The following COL12A1 variants were observed in gnomAD, a reference collection of about 807,000 sequenced individuals.
COL12A1 encodes collagen alpha-1(XII) chain.
A neutral mutation model predicts 349.7 loss-of-function variants in COL12A1; 114 were observed. The ratio of observed to expected loss-of-function variants is 0.33; its 90% CI spans 0.28 to 0.38. COL12A1 has a LOEUF of 0.38. Among genes scored for constraint, COL12A1 ranks in the 10% least tolerant of loss-of-function variants. COL12A1 has a pLI of 1.00. For missense variants in COL12A1, 3,284 were observed against 3,756.9 expected (o/e 0.87, Z 3.29); for synonymous variants, 1,369 against 1,329.0 (o/e 1.03, Z -0.66).
intron 27 of COL12A1, among the ~76,000 whole-genome samples, chr6:75,140,643 G>A (rs1335578545): frequency 1.6e-5 from 2 of 121,948 alleles, no homozygotes; most frequent in South Asian, 5.6e-4. Context: ...GTGACAGAGC[G>A]AGACTCTGTC....
chr6:75,123,322 G>T lies in COL12A1; in HGVS notation c.6946+8C>A, dbSNP rs1180255613. 5.5e-5 allele frequency: 88 copies of T among 1,607,146 alleles called. No individual in the cohort carries two copies. Among genetic ancestry groups the T allele is most frequent in the Non-Finnish European group, 7.5e-5 (88 of 1,176,328 alleles). Reference sequence around the variant, plus strand: ...AGCTGAACGTATTGCCTATTTAGCTGTACTTACCATCCCGGGCTGGTGGAA... The same window carrying T: ...AGCTGAACGTATTGCCTATTTAGCTTTACTTACCATCCCGGGCTGGTGGAA... On this transcript the variant is annotated splice_region_variant and intron_variant, in intron 43 of 65. Coordinates refer to ENST00000322507, the MANE Select transcript of COL12A1 (RefSeq NM_004370.6).
In COL12A1 at chr6:75,148,552, A is replaced by G. The variant is rs1767320317; in HGVS notation, c.4148-55T>C. 14 of 1,472,972 alleles carry G rather than the reference A, an allele frequency of 9.5e-6. No individual in the cohort carries two copies. In the South Asian group the frequency reaches 1.5e-4, roughly 15 times the overall value. 91.2% of individuals were successfully genotyped at this position (1,472,972 alleles called of 1,614,324 possible). On this transcript the variant is annotated intron_variant, in intron 21 of 65. Transcript: ENST00000322507. ...TTCTCATTATTGTAGAAAGGTGACA[A>G]TATTTGAAATGACATTGAAACAATA... is the stretch of plus-strand genomic sequence containing the variant.
chr6:75,116,898 G>A (rs1582075391), intron 47 of COL12A1, among the ~76,000 whole-genome samples: 1 of 152,070 alleles, frequency 6.6e-6, no homozygotes, highest in South Asian at 2.1e-4. Flanking sequence ...TCAATTTTTG[G>A]TTCTTCACTG....
Position 75,109,041 on chromosome 6 carries a change from T to G in COL12A1, c.8077A>C (p.Lys2693Gln). The change falls in exon 52 of 66, where the codon AAA (lysine) becomes CAA (glutamine). Residue 2693 changes from lysine (K) to glutamine (Q), a missense_variant. Lys to Gln is a moderately conservative substitution (Grantham distance 53). This residue lies in a region of COL12A1 where 683 missense variants were observed against 932.1 expected (regional missense o/e 0.73). Coordinates refer to ENST00000322507, the MANE Select transcript of COL12A1 (RefSeq NM_004370.6). ...ACTGCGGCTGATTTCCTTTCCCCTT[T>G]AAGGAGTTTTCCAAGAATTTCATAA... ...DGYEILGKLL[K>Q]GERKSAAFQI... The G allele has an allele frequency of 6.2e-7, 1 of 1,612,384 alleles. No homozygotes were observed. The highest frequency in any genetic ancestry group is 8.5e-7 in the Non-Finnish European group (1 of 1,179,334).
intron 12 of COL12A1, 99 bp downstream of exon 12, chr6:75,177,564 C>T: frequency 1.4e-6 from 2 of 1,442,848 alleles, no homozygotes; most frequent in South Asian, 2.4e-5. Flanking sequence ...ACAATTGAAA[C>T]AAAGTGTCTC....
rs77827114 is a variant in COL12A1, at chr6:75,154,087, G to A, written c.3565+329C>T. Among the ~76,000 whole-genome samples the A allele has an allele frequency of 0.053, 7,974 of 150,966 alleles. 522 individuals are homozygous for A. The highest frequency in any genetic ancestry group is 0.15 in the African/African-American group (6,377 of 41,144). The stretch of plus-strand genomic sequence containing the variant: ...TTTAATGCACAATTTTAAATTATGC[G>A]TTATTACATAATTTAAAATTACTAC... On this transcript the variant is annotated intron_variant, in intron 17 of 65. Transcript: ENST00000322507.
intron 14 of COL12A1, among the ~76,000 whole-genome samples, chr6:75,158,109 A>G (rs1405057846): frequency 6.6e-6 from 1 of 152,186 alleles, no homozygotes; most frequent in Non-Finnish European, 1.5e-5. Context: ...AAGACATGCC[A>G]AAAAGGAAAA....
chr6:75,197,602 G>C (rs1770300832), intron 2 of COL12A1, among the ~76,000 whole-genome samples: 1 of 152,056 alleles, frequency 6.6e-6, no homozygotes, highest in Non-Finnish European at 1.5e-5. Flanking sequence ...ATAAGCCACT[G>C]TGCCCAGCCC....
chr6:75,188,361 C>T lies in COL12A1; in HGVS notation c.997+1G>A. The T allele has an allele frequency of 6.2e-7, 1 of 1,612,256 alleles. No homozygotes were observed. Among genetic ancestry groups the T allele is most frequent in the Non-Finnish European group, 8.5e-7 (1 of 1,179,192 alleles). On this transcript the variant is annotated splice_donor_variant, in intron 8 of 65. Transcript: ENST00000322507. LOFTEE classifies it high-confidence loss of function. ...TGGGGAATGCTACACAGTCTACTCACCTTCTTCTCCACTAACCAATTCACC... is the reference window on the plus strand; with the variant it reads ...TGGGGAATGCTACACAGTCTACTCATCTTCTTCTCCACTAACCAATTCACC...
Position 75,165,600 on chromosome 6 carries a change from T to G in COL12A1, c.2890A>C (p.Asn964His), listed in dbSNP as rs370188326. 1.2e-5 allele frequency: 20 copies of G among 1,613,886 alleles called. No homozygotes were observed. Among genetic ancestry groups the G allele is most frequent in the Non-Finnish European group, 1.5e-5 (18 of 1,179,932 alleles). ...CTGTATTTGGTCTCTGGCTGCAGATTTTCTATCATCGTATGAATTGCATCT... is the reference window on the plus strand; with the variant it reads ...CTGTATTTGGTCTCTGGCTGCAGATGTTCTATCATCGTATGAATTGCATCT... ...PEDAIHTMIENLQPETKYRIS... is the reference protein window; with the variant it reads ...PEDAIHTMIEHLQPETKYRIS... Residue 964 changes from asparagine (N) to histidine (H), a missense_variant, in exon 14 of 66, where the codon AAT becomes CAT. Transcript: ENST00000322507.
intron 37 of COL12A1, among the ~76,000 whole-genome samples, chr6:75,128,933 G>C (rs139637585): frequency 6.6e-6 from 1 of 152,338 alleles, no homozygotes; most frequent in East Asian, 1.9e-4. Flanking sequence ...CTAGTTAGCT[G>C]AAACAGATGG....
At position 75,138,643 on chromosome 6, in the gene COL12A1, C is replaced by T. The variant is rs576285523; in HGVS notation, c.5098-63G>A. 55 of 1,594,744 alleles carry T rather than the reference C, an allele frequency of 3.4e-5. No individual in the cohort carries two copies. The East Asian group carries it at 9.4e-4, about 27-fold the overall frequency. Reference sequence around the variant, plus strand: ...TAAGTCTCCACTTACATCATACACACTCAATGGCAGTTTATTCACATTATT... The same window carrying T: ...TAAGTCTCCACTTACATCATACACATTCAATGGCAGTTTATTCACATTATT... On this transcript the variant is annotated intron_variant, in intron 28 of 65. Coordinates refer to ENST00000322507, the MANE Select transcript of COL12A1 (RefSeq NM_004370.6).
intron 52 of COL12A1, among the ~76,000 whole-genome samples, chr6:75,107,660 T>G (rs1323830009): frequency 6.6e-6 from 1 of 152,238 alleles, no homozygotes; most frequent in African/African-American, 2.4e-5. Flanking sequence ...CAATTGATGC[T>G]CTTCTTTTTA....
At chr6:75,087,422 A>G (rs1767554250) in intron 65 of COL12A1, 155 bp downstream of exon 65, 2 of 676,274 alleles carry the variant, frequency 3.0e-6, no homozygotes, top group Admixed American at 3.4e-5. Context: ...GTTGTGTGCT[A>G]TGATAGCAAA....
intron 59 of COL12A1, among the ~76,000 whole-genome samples, chr6:75,095,812 T>C (rs1206408756): frequency 6.6e-6 from 1 of 152,202 alleles, no homozygotes; most frequent in Middle Eastern, 3.2e-3. Flanking sequence ...ACAAAGTGGA[T>C]GTGCAGAAAG....
intron 58 of COL12A1, among the ~76,000 whole-genome samples, chr6:75,097,985 T>G (rs904333017): frequency 3.9e-5 from 6 of 152,226 alleles, no homozygotes; most frequent in African/African-American, 1.4e-4. Flanking sequence ...ATTTATAATA[T>G]GTACTGGTCA....
Position 75,155,820 on chromosome 6 carries a change from T to C in COL12A1, c.3285A>G (p.Thr1095=), listed in dbSNP as rs1767725400. The stretch of plus-strand genomic sequence containing the variant: ...GGAAGCTTGACATGGTTGGGTCAGA[T>C]GTTTTGAGGTTTCTAGGAGACTTAA... ...SRFKSPRNLK[T]SDPTMSSFRV... is the part of the protein sequence containing the mutation. Residue 1095 remains threonine (T), a synonymous_variant, in exon 16 of 66, where the codon ACA becomes ACG. Coordinates refer to ENST00000322507, the MANE Select transcript of COL12A1 (RefSeq NM_004370.6). 2 of 1,610,204 alleles carry C rather than the reference T, an allele frequency of 1.2e-6. No individual in the cohort carries two copies. The highest frequency in any genetic ancestry group is 1.1e-5 in the South Asian group (1 of 90,166).
chr6:75,138,550 C>A lies in COL12A1; in HGVS notation c.5128G>T (p.Val1710Leu), dbSNP rs1766739273. ...TILNGDENTL[V>L]FENLNPNTIY... ...GTGTTGGGGTTCAGGTTTTCGAACACCAAAGTGTTTTCATCTCCATTTAAG... is the reference window on the plus strand; with the variant it reads ...GTGTTGGGGTTCAGGTTTTCGAACAACAAAGTGTTTTCATCTCCATTTAAG... Residue 1710 changes from valine to leucine, a missense_variant, in exon 29 of 66, where the codon GTG (valine) becomes TTG (leucine). This residue lies in a region of COL12A1 where 2,601 missense variants were observed against 2,824.8 expected (regional missense o/e 0.92). Coordinates refer to ENST00000322507, the MANE Select transcript of COL12A1 (RefSeq NM_004370.6). 6.2e-7 allele frequency: 1 copy of A among 1,613,908 alleles called. No individual in the cohort carries two copies. The highest frequency in any genetic ancestry group is 8.5e-7 in the Non-Finnish European group (1 of 1,179,894).
chr6:75,135,394 T>C (rs1766550667), intron 31 of COL12A1, among the ~76,000 whole-genome samples: 1 of 152,188 alleles, frequency 6.6e-6, no homozygotes. Context: ...TGACCAGACC[T>C]TTTGCCAGGC....
Sources: gnomAD v4.1 joint callset for allele counts (sites outside exome capture counted in the v4.1 genomes callset) on GRCh38, gnomAD v4.1.1 for gene constraint, gnomAD v4.1.1 regional missense constraint, MANE v1.5 for transcripts, NCBI Gene and HGNC (gene_info 2026-07-23, HGNC 2026-07-21) for gene names.